Variants in SLC47A2 observed in about 807,000 individuals in gnomAD.
SLC47A2 encodes the protein solute carrier family 47 member 2.
Under a neutral mutation model 67.7 loss-of-function variants are expected in SLC47A2, and 52 were observed. The ratio of observed to expected loss-of-function variants is 0.77; its 90% CI spans 0.61 to 0.97. The LOEUF (loss-of-function observed/expected upper bound fraction) is 0.97, where lower values mean the gene tolerates loss of function less well. Ranked by LOEUF, SLC47A2 falls within the 50% of genes least tolerant of loss-of-function variation. The pLI, the probability that SLC47A2 is intolerant of heterozygous loss-of-function variation, is 0.00. For missense variants in SLC47A2, 676 were observed against 712.3 expected (o/e 0.95, Z 0.58); for synonymous variants, 278 against 292.9 (o/e 0.95, Z 0.52).
In SLC47A2 at chr17:19,712,838, C is replaced by T. The variant is rs1247767151; in HGVS notation, c.444-93G>A. 4 of 1,241,652 alleles carry T rather than the reference C, an allele frequency of 3.2e-6. No homozygotes were observed. In the African/African-American group the frequency reaches 5.9e-5, roughly 18 times the overall value. The allele number at this position is 1,241,652 out of a possible 1,614,324, so 76.9% of individuals were successfully genotyped here. A position where few individuals can be genotyped will look rare whatever the true frequency, so the allele number is the denominator to read the frequency against. ...GTGTCCTCCAGGACTGGGTGCTCGG[C>T]CGCTGTCCCAGGGTCTCAGCCAGGA... On this transcript the variant is annotated intron_variant, in intron 4 of 16. Transcript: ENST00000433844.
Position 19,678,831 on chromosome 17 carries a change from G to A in SLC47A2, c.1556C>T (p.Thr519Ile), listed in dbSNP as rs1300100712. ...TGAAAGGGCGTGGGCCTCCTCTGGAGTCCTGAAGAAGTCCACGTGGCACTC... is the reference window on the plus strand; with the variant it reads ...TGAAAGGGCGTGGGCCTCCTCTGGAATCCTGAAGAAGTCCACGTGGCACTC... ...RSECHVDFFR[T>I]PEEAHALSAP... The change falls in exon 17 of 17, where the codon ACT becomes ATT. Residue 519 changes from threonine to isoleucine, a missense_variant. By Grantham distance (89) the Thr-to-Ile change is moderately conservative. Coordinates refer to ENST00000433844, the MANE Select transcript of SLC47A2 (RefSeq NM_001099646.3). 6 of 1,613,582 alleles carry A rather than the reference G, an allele frequency of 3.7e-6. No individual in the cohort carries two copies. Among genetic ancestry groups the A allele is most frequent in the Admixed American group, 1.7e-5 (1 of 59,906 alleles).
At chr17:19,694,664 T>C (rs1310550955) in intron 13 of SLC47A2, among the ~76,000 whole-genome samples, 1 of 152,176 alleles carries the variant, frequency 6.6e-6, no homozygotes, top group Non-Finnish European at 1.5e-5. Flanking sequence ...ACACCTGTAA[T>C]CCCAGCACTT....
At chr17:19,712,803 C>T in intron 4 of SLC47A2, 58 bp from the exon 5 acceptor site, 1 of 1,554,528 alleles carries the variant, frequency 6.4e-7, no homozygotes, top group Non-Finnish European at 8.8e-7. Context: ...GAGGCAGGGC[C>T]CTCTCCCCTG....
intron 9 of SLC47A2, among the ~76,000 whole-genome samples, chr17:19,706,172 GC>G (rs2085930311): frequency 6.6e-6 from 1 of 152,180 alleles, no homozygotes; most frequent in Admixed American, 6.5e-5. Context: ...ATCTGCAAAT[GC>G]GGGGCAGGGC....
rs761471205 is a variant in SLC47A2, at chr17:19,678,702, A to G, written c.1685T>C (p.Leu562Pro). ...TLMVGLTVRI[L>P]ATRH is the part of the protein sequence containing the mutation. ...GCTTCTTTGCTAGTGCCTGGTGGCT[A>G]GGATCCTGACCGTGAGCCCCACCAT... The change falls in exon 17 of 17, where the codon CTA becomes CCA. Residue 562 changes from leucine to proline, a missense_variant. Physicochemically the swap from Leu to Pro is moderately conservative, Grantham distance 98 (BLOSUM62 -3). Transcript: ENST00000433844. 1 of 1,612,716 alleles carries G rather than the reference A, an allele frequency of 6.2e-7. No homozygotes were observed. Among genetic ancestry groups the G allele is most frequent in the Admixed American group, 1.7e-5 (1 of 60,020 alleles).
chr17:19,678,720 C>T lies in SLC47A2; in HGVS notation c.1667G>A (p.Gly556Glu). 3 of 1,613,422 alleles carry T rather than the reference C, an allele frequency of 1.9e-6. No homozygotes were observed. The highest frequency in any genetic ancestry group is 4.5e-5 in the East Asian group (2 of 44,880). Residue 556 changes from glycine to glutamate, a missense_variant, in exon 17 of 17, where the codon GGG becomes GAG. Gly to Glu is a moderately conservative substitution (Grantham distance 98). Coordinates refer to ENST00000433844, the MANE Select transcript of SLC47A2 (RefSeq NM_001099646.3). ...LGAASATLMVGLTVRILATRH is the reference protein window; with the variant it reads ...LGAASATLMVELTVRILATRH The stretch of plus-strand genomic sequence containing the variant: ...GGTGGCTAGGATCCTGACCGTGAGC[C>T]CCACCATCAGTGTGGCTGACGCCGC...
In SLC47A2 at chr17:19,713,127, T is replaced by C. The variant is rs2086146676; in HGVS notation, c.444-382A>G. ...ACTATAGGCCGGGTGCGATGGCTCA[T>C]GCCTGTAATCCCAGCACTTTGGGAG... On this transcript the variant is annotated intron_variant, in intron 4 of 16. Coordinates refer to ENST00000433844, the MANE Select transcript of SLC47A2 (RefSeq NM_001099646.3). Among the ~76,000 whole-genome samples, 7 of 152,190 alleles carry C rather than the reference T, an allele frequency of 4.6e-5. No homozygotes were observed. The South Asian group carries it at 1.4e-3, about 32-fold the overall frequency.
chr17:19,706,696 T>C lies in SLC47A2; in HGVS notation c.793A>G (p.Met265Val), dbSNP rs925847295. The change falls in exon 9 of 17, where the codon ATG (methionine) becomes GTG (valine). Residue 265 changes from methionine (M) to valine (V), a missense_variant. Met to Val is a conservative substitution (Grantham distance 21). Transcript: ENST00000433844. ...TAGGCCCACCACTCAACACAGATCA[T>C]GAGCATGCTGGGGACAGCCAGGGAG... Reference protein sequence around the residue: ...FFSLAVPSMLMICVEWWAYEI... With the variant: ...FFSLAVPSMLVICVEWWAYEI... The C allele has an allele frequency of 2.5e-6, 4 of 1,611,270 alleles. No individual in the cohort carries two copies. The highest frequency in any genetic ancestry group is 2.2e-5 in the South Asian group (2 of 90,900).
rs753152952 is a variant in SLC47A2, at chr17:19,705,427, G to A, written c.909+9C>T. On this transcript the variant is annotated intron_variant, in intron 10 of 16. Transcript: ENST00000433844. ...GGATGTGGGGAAGGCACCCCTGCAG[G>A]AGCCTTACCATGTAGGTCACAGTGG... 10 of 1,609,468 alleles carry A rather than the reference G, an allele frequency of 6.2e-6. No homozygotes were observed. In the East Asian group the frequency reaches 1.8e-4, roughly 29 times the overall value.
intron 13 of SLC47A2, among the ~76,000 whole-genome samples, chr17:19,695,602 C>CA (rs2085645803): frequency 6.7e-6 from 1 of 150,366 alleles, no homozygotes; most frequent in African/African-American, 2.5e-5. Flanking sequence ...AGATAAGCCA[C>CA]AGCCTGGGTT....
chr17:19,690,613 G>GA lies in SLC47A2; in HGVS notation c.1165-8944dup, dbSNP rs1363760099. Among the ~76,000 whole-genome samples, 4 of 152,140 alleles carry GA rather than the reference G, an allele frequency of 2.6e-5. No individual in the cohort carries two copies. The East Asian group carries it at 5.8e-4, about 22-fold the overall frequency. ...TCCGATTTAAAAATGGACAGAAATA[G>GA]AAAAAATAATCCTAAAATGTATAAG... On this transcript the variant is annotated intron_variant, in intron 13 of 16. Transcript: ENST00000433844.
chr17:19,709,071 G>T (rs1234521070), intron 5 of SLC47A2, among the ~76,000 whole-genome samples: 2 of 152,244 alleles, frequency 1.3e-5, no homozygotes, highest in African/African-American at 4.8e-5. Context: ...AGGCCTTCCG[G>T]CTGCTAAGCC....
rs368874330 is a variant in SLC47A2 at position 19,684,274 on chromosome 17, G to A, written c.1165-2604C>T. ...CTGGCCACAACAGAATTAAATTAGA[G>A]ATGCCTGCCAGAAATAAAACCCCAA... is the stretch of plus-strand genomic sequence containing the variant. On this transcript the variant is annotated intron_variant, in intron 13 of 16. Coordinates refer to ENST00000433844, the MANE Select transcript of SLC47A2 (RefSeq NM_001099646.3). Among the ~76,000 whole-genome samples, 88 of 152,210 alleles carry A rather than the reference G, an allele frequency of 5.8e-4. 1 individual carries two copies. The South Asian group carries it at 0.01, about 18-fold the overall frequency.
At chr17:19,704,004 TCCTGTGG>T in intron 11 of SLC47A2, 59 bp downstream of exon 11, 1 of 1,286,316 alleles carries the variant, frequency 7.8e-7, no homozygotes, top group African/African-American at 1.5e-5. Flanking sequence ...ATGCCAGCCT[TCCTGTGG>T]CCCAGGCTGG....
At chr17:19,716,784 G>A (rs2086280508), upstream of SLC47A2, 2 of 581,144 alleles carry the variant, frequency 3.4e-6, no homozygotes, top group Non-Finnish European at 5.7e-6. Flanking sequence ...CAGGTTCCTG[G>A]GAGTCACCCA....
intron 13 of SLC47A2, 64 bp from the exon 14 acceptor site, chr17:19,681,734 G>T: frequency 6.4e-7 from 1 of 1,560,006 alleles, no homozygotes; most frequent in Non-Finnish European, 8.7e-7. Flanking sequence ...GTGTCATGCA[G>T]CAGGCACTGT....
intron 13 of SLC47A2, among the ~76,000 whole-genome samples, chr17:19,684,487 A>G (rs2085378080): frequency 6.6e-6 from 1 of 152,174 alleles, no homozygotes; most frequent in African/African-American, 2.4e-5. Flanking sequence ...GTCTCGAATC[A>G]ATGACCTACT....
In SLC47A2 at chr17:19,697,633, C is replaced by G. The variant is rs923111521; in HGVS notation, c.1164+4972G>C. The stretch of plus-strand genomic sequence containing the variant: ...GACAGGGCCTTGCTCTGTCACCCAG[C>G]CCAGAGTGCAGTGATGCAGTCATAG... On this transcript the variant is annotated intron_variant, in intron 13 of 16. Transcript: ENST00000433844. Among the ~76,000 whole-genome samples the G allele has an allele frequency of 1.4e-4, 21 of 152,224 alleles. 1 individual carries two copies. Among genetic ancestry groups the G allele is most frequent in the Admixed American group, 9.8e-4 (15 of 15,278 alleles).
intron 8 of SLC47A2, 67 bp downstream of exon 8, chr17:19,707,679 T>C: frequency 7.1e-7 from 1 of 1,414,732 alleles, no homozygotes; most frequent in Non-Finnish European, 9.7e-7. Context: ...CTGACCACCC[T>C]GCCCCAAGGC....
Sources: allele counts gnomAD v4.1 joint callset (sites outside exome capture counted in the v4.1 genomes callset), GRCh38; gene constraint gnomAD v4.1.1; transcripts MANE v1.5; gene names NCBI Gene and HGNC (gene_info 2026-07-23, HGNC 2026-07-21).